The following GPR161 variants were observed in gnomAD, a reference collection of about 807,000 sequenced individuals.
GPR161 encodes the protein G-protein coupled receptor RE2.
A neutral mutation model predicts 39.2 loss-of-function variants in GPR161; 25 were observed. That is an observed-to-expected ratio of 0.64 (90% CI 0.47 to 0.89). The LOEUF is 0.89. Ranked by LOEUF, GPR161 falls within the 40% of genes least tolerant of loss-of-function variation. The pLI, the probability that GPR161 is intolerant of heterozygous loss-of-function variation, is 0.00. For synonymous variants in GPR161, 286 were observed against 276.6 expected, an observed-to-expected ratio of 1.03 and a Z score of -0.34; for missense variants, 547 against 677.8, an observed-to-expected ratio of 0.81 and a Z score of 2.14.
At chr1:168,103,992 G>A (rs1237864258) in intron 2 of GPR161, among the ~76,000 whole-genome samples, 1 of 152,184 alleles carries the variant, frequency 6.6e-6, no homozygotes, top group East Asian at 1.9e-4. Context: ...CCTCTCCCCG[G>A]TGTCACTGCC....
chr1:168,125,010 G>A (rs898749949), intron 1 of GPR161, among the ~76,000 whole-genome samples: 1 of 152,160 alleles, frequency 6.6e-6, no homozygotes, highest in Non-Finnish European at 1.5e-5. Context: ...TTCCTGTATA[G>A]CAACACAAAA....
chr1:168,112,501 A>AT (rs1697277392), intron 1 of GPR161, among the ~76,000 whole-genome samples: 1 of 148,164 alleles, frequency 6.7e-6, no homozygotes, highest in African/African-American at 2.5e-5. Flanking sequence ...AAAAAAAAAA[A>AT]AAAAGGAAAA....
chr1:168,090,947 C>A (rs1286394346), intron 3 of GPR161, among the ~76,000 whole-genome samples: 2 of 152,184 alleles, frequency 1.3e-5, no homozygotes, highest in Non-Finnish European at 2.9e-5. Context: ...GGAGCACAAT[C>A]AAAAAGGCAG....
At chr1:168,131,495 G>GA (rs371773156) in intron 1 of GPR161, among the ~76,000 whole-genome samples, 15 of 144,586 alleles carry the variant, frequency 1.0e-4, no homozygotes, top group East Asian at 4.0e-4. Context: ...GTTAAAAAAA[G>GA]AAAAAAAAAA....
At chr1:168,103,527 C>T (rs947152646) in intron 2 of GPR161, among the ~76,000 whole-genome samples, 1 of 152,150 alleles carries the variant, frequency 6.6e-6, no homozygotes, top group Non-Finnish European at 1.5e-5. Flanking sequence ...AGATTCCAGC[C>T]TCAGGTCTAG....
At chr1:168,124,131 CA>C (rs948389174) in intron 1 of GPR161, among the ~76,000 whole-genome samples, 2 of 152,208 alleles carry the variant, frequency 1.3e-5, no homozygotes, top group Non-Finnish European at 2.9e-5. Flanking sequence ...TTCTCCCATC[CA>C]CCCTGTCCCA....
At chr1:168,086,114 T>A (rs1361714541) in intron 5 of GPR161, among the ~76,000 whole-genome samples, 1 of 152,272 alleles carries the variant, frequency 6.6e-6, no homozygotes, top group Admixed American at 6.5e-5. Context: ...GTCTGGCCCA[T>A]AGAAAAGACT....
chr1:168,113,469 A>G (rs913812697), intron 1 of GPR161, among the ~76,000 whole-genome samples: 3 of 152,194 alleles, frequency 2.0e-5, no homozygotes, highest in Non-Finnish European at 4.4e-5. Flanking sequence ...CTTCTTGTGC[A>G]TTTCCAGAAA....
intron 1 of GPR161, chr1:168,136,018 C>G (rs997630077): frequency 8.1e-7 from 1 of 1,229,030 alleles, no homozygotes; most frequent in African/African-American, 1.6e-5. Flanking sequence ...ACCCAACAGA[C>G]GTTCTCATCC....
At chr1:168,136,362 G>A in intron 1 of GPR161, 2 of 1,467,496 alleles carry the variant, frequency 1.4e-6, no homozygotes, top group South Asian at 2.7e-5. Flanking sequence ...GGCCCGCATC[G>A]GCAGAGTCCC....
At chr1:168,086,359 GA>G (rs1177378815) in intron 5 of GPR161, among the ~76,000 whole-genome samples, 2 of 152,250 alleles carry the variant, frequency 1.3e-5, no homozygotes, top group Non-Finnish European at 2.9e-5. Context: ...ACAGAAGTGA[GA>G]GGGGGGAGCC....
rs769057974 is a variant in GPR161 at position 168,104,882 on chromosome 1, G to A, written c.-32C>T. On this transcript the variant is annotated 5_prime_UTR_variant, in exon 2 of 6. Transcript: ENST00000682931. ...TGCACCTCGGCGTGGGGTGGGCAGA[G>A]CATGCTGGACGACTGGAAAGATAAG... 2.0e-5 allele frequency: 32 copies of A among 1,607,390 alleles called. No homozygotes were observed. The highest frequency in any genetic ancestry group is 2.7e-5 in the Non-Finnish European group (32 of 1,175,050).
chr1:168,134,289 A>T (rs1699202592), intron 1 of GPR161, among the ~76,000 whole-genome samples: 1 of 152,198 alleles, frequency 6.6e-6, no homozygotes, highest in South Asian at 2.1e-4. Context: ...CTCCCTGAAC[A>T]TATTTGCCAT....
rs561754658 is a variant in GPR161, at chr1:168,080,264, C to T, written c.*5267G>A. 2 of 152,162 alleles carry T rather than the reference C, an allele frequency of 1.3e-5. No individual in the cohort carries two copies. The highest frequency in any genetic ancestry group is 3.8e-4 in the East Asian group (2 of 5,200). 9.4% of individuals were successfully genotyped at this position (152,162 alleles called of 1,614,324 possible). A position where few individuals can be genotyped will look rare whatever the true frequency, so the allele number is the denominator to read the frequency against. ...CCTAATAAAGCCCTGCTGGCCTGTT[C>T]TGTGATACTGATGACTCTTAACTAT... On this transcript the variant is annotated 3_prime_UTR_variant, in exon 6 of 6. Transcript: ENST00000682931.
In GPR161 at chr1:168,096,890, C is replaced by T. The variant is rs763477383; in HGVS notation, c.717G>A (p.Arg239=). Residue 239 remains arginine (R), a synonymous_variant, in exon 3 of 6, where the codon AGG becomes AGA. Coordinates refer to ENST00000682931, the MANE Select transcript of GPR161 (RefSeq NM_001375883.1). Reference sequence around the variant, plus strand: ...AGGAGGTGGAGGTGCTGGAGTTCTTCCTCCCGGTCCTCTGAGCATCCTCCT... The same window carrying T: ...AGGAGGTGGAGGTGCTGGAGTTCTTTCTCCCGGTCCTCTGAGCATCCTCCT... The part of the protein sequence containing the change: ...IVEEDAQRTG[R]KNSSTSTSSS... 1 of 1,614,162 alleles carries T rather than the reference C, an allele frequency of 6.2e-7. No homozygotes were observed. The highest frequency in any genetic ancestry group is 1.7e-5 in the Admixed American group (1 of 60,028).
chr1:168,132,543 G>A (rs1167634533), intron 1 of GPR161, among the ~76,000 whole-genome samples: 19 of 142,282 alleles, frequency 1.3e-4, no homozygotes, highest in African/African-American at 4.0e-4. Flanking sequence ...AGCCGAGATC[G>A]CGCCACTGAA....
At position 168,087,614 on chromosome 1, in the gene GPR161, G is replaced by A. The variant is rs368043301; in HGVS notation, c.1295C>T (p.Thr432Ile). Residue 432 changes from threonine (T) to isoleucine (I), a missense_variant, in exon 5 of 6, where the codon ACA becomes ATA. Coordinates refer to ENST00000682931, the MANE Select transcript of GPR161 (RefSeq NM_001375883.1). ...GATTTGTTCCACTTCATCCTCAAAT[G>A]TCACCGAGCTCCTTCTCTTGGGTGG... is the stretch of plus-strand genomic sequence containing the variant. ...TCPPKRRSSV[T>I]FEDEVEQIKE... 6.2e-7 allele frequency: 1 copy of A among 1,613,990 alleles called. No homozygotes were observed. Among genetic ancestry groups the A allele is most frequent in the African/African-American group, 1.3e-5 (1 of 74,914 alleles).
intron 2 of GPR161, among the ~76,000 whole-genome samples, chr1:168,103,319 A>G (rs1052079803): frequency 1.3e-5 from 2 of 152,192 alleles, no homozygotes; most frequent in Non-Finnish European, 2.9e-5. Context: ...ACCAAAAATT[A>G]CTGGAAGCAA....
Position 168,080,278 on chromosome 1 carries a change from A to T in GPR161, c.*5253T>A, listed in dbSNP as rs1264587275. The T allele has an allele frequency of 6.6e-6, 1 of 151,958 alleles. No homozygotes were observed. The highest frequency in any genetic ancestry group is 2.4e-5 in the African/African-American group (1 of 41,334). 9.4% of individuals were successfully genotyped at this position (151,958 alleles called of 1,614,324 possible). ...GCTGGCCTGTTCTGTGATACTGATG[A>T]CTCTTAACTATACCTCATCTTCCTT... is the stretch of plus-strand genomic sequence containing the variant. On this transcript the variant is annotated 3_prime_UTR_variant, in exon 6 of 6. Coordinates refer to ENST00000682931, the MANE Select transcript of GPR161 (RefSeq NM_001375883.1).
Sources: gnomAD v4.1 joint callset for allele counts (sites outside exome capture counted in the v4.1 genomes callset) on GRCh38, gnomAD v4.1.1 for gene constraint, MANE v1.5 for transcripts, NCBI Gene and HGNC (gene_info 2026-07-23, HGNC 2026-07-21) for gene names.